A2M: variants seen among roughly 807,000 people sequenced by gnomAD.
The protein encoded by A2M is alpha-2-macroglobulin, also known as C3 and PZP-like alpha-2-macroglobulin domain-containing protein 5.
Under a neutral mutation model 183.9 loss-of-function variants are expected in A2M, and 128 were observed. The observed-to-expected ratio is 0.70, with a 90% CI of 0.60 to 0.81. The LOEUF is 0.81. A2M is among the 30% of genes least tolerant of loss of function. The pLI is 0.00. For missense variants in A2M, 1,495 were observed against 1,787.6 expected, an observed-to-expected ratio of 0.84 and a Z score of 2.95; for synonymous variants, 592 against 670.8, an observed-to-expected ratio of 0.88 and a Z score of 1.81.
intron 22 of A2M, among the ~76,000 whole-genome samples, chr12:9,083,099 A>T (rs751569490): frequency 6.6e-6 from 1 of 152,182 alleles, no homozygotes; most frequent in African/African-American, 2.4e-5. Context: ...TGGGACATGG[A>T]TGAAGCTGGA....
At chr12:9,110,152 G>A in intron 5 of A2M, 117 bp from the exon 6 acceptor site, 1 of 1,198,494 alleles carries the variant, frequency 8.3e-7, no homozygotes, top group Non-Finnish European at 1.2e-6. Context: ...AGTAGTAAAG[G>A]GTGAGTAGAG....
chr12:9,073,736 G>C (rs188834543), intron 29 of A2M, among the ~76,000 whole-genome samples: 9 of 152,152 alleles, frequency 5.9e-5, no homozygotes, highest in African/African-American at 2.2e-4. Context: ...GATTTAGGAG[G>C]TTGGATGAAT....
rs1415824901 is a variant in A2M at position 9,101,515 on chromosome 12, C to CT, written c.1425dup (p.Val476SerfsTer84). On this transcript the variant is annotated frameshift_variant, in exon 12 of 36. Transcript: ENST00000318602. LOFTEE classifies it high-confidence loss of function. ...CCATTCAGAATATAATGTGCCTGGA[C>CT]TGTCTGAGTATGGCCACAGGGTAGT... is the stretch of plus-strand genomic sequence containing the variant. 1.2e-6 allele frequency: 2 copies of CT among 1,613,844 alleles called. No individual in the cohort carries two copies. Among genetic ancestry groups the CT allele is most frequent in the African/African-American group, 2.7e-5 (2 of 74,904 alleles).
rs781626248 is a variant in A2M, at chr12:9,067,725, G to C, written c.*98C>G. 1 of 1,030,406 alleles carries C rather than the reference G, an allele frequency of 9.7e-7. No homozygotes were observed. Among genetic ancestry groups the C allele is most frequent in the East Asian group, 2.5e-5 (1 of 40,364 alleles). The allele number at this position is 1,030,406 out of a possible 1,614,324, so 63.8% of individuals were successfully genotyped here. Reference sequence around the variant, plus strand: ...CAGGGAAAGACATTGACCAGAAAAAGTGTTTATTCATCAAGTCTTTAAAGA... The same window carrying C: ...CAGGGAAAGACATTGACCAGAAAAACTGTTTATTCATCAAGTCTTTAAAGA... On this transcript the variant is annotated 3_prime_UTR_variant, in exon 36 of 36. Coordinates refer to ENST00000318602, the MANE Select transcript of A2M (RefSeq NM_000014.6).
At position 9,110,019 on chromosome 12, in the gene A2M, C is replaced by G; in HGVS notation, c.521G>C (p.Arg174Pro). 6.2e-7 allele frequency: 1 copy of G among 1,611,258 alleles called. No individual in the cohort carries two copies. Among genetic ancestry groups the G allele is most frequent in the South Asian group, 1.1e-5 (1 of 90,502 alleles). The change falls in exon 6 of 36, where the codon CGC becomes CCC. Residue 174 changes from arginine to proline, a missense_variant. Arg to Pro is a moderately radical substitution (Grantham distance 103). Coordinates refer to ENST00000318602, the MANE Select transcript of A2M (RefSeq NM_000014.6). ...LVYIQDPKGN[R>P]IAQWQSFQLE... is the part of the protein sequence containing the mutation. ...CTGGAAACTCTGCCATTGTGCGATG[C>G]GATTTCCTTTGGGATCCTATATGAG...
intron 22 of A2M, among the ~76,000 whole-genome samples, chr12:9,083,390 A>C (rs991901993): frequency 2.0e-5 from 3 of 152,160 alleles, no homozygotes; most frequent in Non-Finnish European, 2.9e-5. Flanking sequence ...AAAGTATAAA[A>C]AAAAAAGAAA....
Position 9,101,664 on chromosome 12 carries a change from T to C in A2M, c.1277A>G (p.Lys426Arg). 6.2e-7 allele frequency: 1 copy of C among 1,611,048 alleles called. No homozygotes were observed. Among genetic ancestry groups the C allele is most frequent in the South Asian group, 1.1e-5 (1 of 90,778 alleles). Residue 426 changes from lysine (K) to arginine (R), a missense_variant, in exon 12 of 36, where the codon AAG becomes AGG. Physicochemically the swap from Lys to Arg is conservative, Grantham distance 26 (BLOSUM62 2). Coordinates refer to ENST00000318602, the MANE Select transcript of A2M (RefSeq NM_000014.6). The stretch of plus-strand genomic sequence containing the variant: ...GTAGCCGTAACAGGGACTACGATCC[T>C]TGTAATTGACCTAATGAATTAGAAA... ...GTSLTVRVNY[K>R]DRSPCYGYQW...
chr12:9,088,676 A>C (rs1159948336), intron 22 of A2M, among the ~76,000 whole-genome samples: 2 of 152,156 alleles, frequency 1.3e-5, no homozygotes, highest in Non-Finnish European at 2.9e-5. Flanking sequence ...TTTTTCCTGT[A>C]AGTTTCTTCA....
At chr12:9,113,248 A>G in intron 2 of A2M, 112 bp downstream of exon 2, 11 of 1,016,032 alleles carry the variant, frequency 1.1e-5, no homozygotes, top group Middle Eastern at 2.1e-4. Flanking sequence ...CTACATTTGG[A>G]TTCCTTCCTG....
intron 24 of A2M, 99 bp downstream of exon 24, chr12:9,079,540 C>G (rs1948844435): frequency 8.3e-7 from 1 of 1,202,078 alleles, no homozygotes; most frequent in South Asian, 1.5e-5. Flanking sequence ...TCATAGTGAG[C>G]TAAGCTAATG....
At position 9,077,398 on chromosome 12, in the gene A2M, G is replaced by A; in HGVS notation, c.3299C>T (p.Thr1100Ile). 3 of 1,613,410 alleles carry A rather than the reference G, an allele frequency of 1.9e-6. No individual in the cohort carries two copies. Among genetic ancestry groups the A allele is most frequent in the South Asian group, 2.2e-5 (2 of 90,810 alleles). The stretch of plus-strand genomic sequence containing the variant: ...GGCGATGGTGATATAGGCGGAGAGG[G>A]TCACTTCATCTTCTACTCCTCCCTG... ...AIKGGVEDEV[T>I]LSAYITIALL... Residue 1100 changes from threonine to isoleucine, a missense_variant, in exon 27 of 36, where the codon ACC (threonine) becomes ATC (isoleucine). Physicochemically the swap from Thr to Ile is moderately conservative, Grantham distance 89 (BLOSUM62 -1). Coordinates refer to ENST00000318602, the MANE Select transcript of A2M (RefSeq NM_000014.6).
At chr12:9,067,923 A>G in intron 35 of A2M, 84 bp from the exon 36 acceptor site, 8 of 1,326,956 alleles carry the variant, frequency 6.0e-6, no homozygotes, top group Non-Finnish European at 8.6e-6. Context: ...TCTGGGTAGC[A>G]TAGTGCCCAA....
At chr12:9,095,118 T>A in intron 16 of A2M, 34 bp from the exon 17 acceptor site, 1 of 1,126,912 alleles carries the variant, frequency 8.9e-7, no homozygotes, top group South Asian at 1.6e-5. Flanking sequence ...TCAGTAAATA[T>A]ATATTATAAA....
rs1938563851 is a variant in A2M at position 9,109,501 on chromosome 12, T to C, written c.674-96A>G. On this transcript the variant is annotated intron_variant, in intron 6 of 35. Transcript: ENST00000318602. ...CTGTAACAGTTCCCTAATAATATTT[T>C]AGGGCTCTGAAAAGGTAGCTCTGCT... 3.2e-6 allele frequency: 3 copies of C among 926,678 alleles called. No individual in the cohort carries two copies. In the East Asian group the frequency reaches 7.8e-5, roughly 24 times the overall value. 57.4% of individuals were successfully genotyped at this position (926,678 alleles called of 1,614,324 possible). A position where few individuals can be genotyped will look rare whatever the true frequency, so the allele number is the denominator to read the frequency against.
chr12:9,106,414 C>G lies in A2M; in HGVS notation c.995-69G>C, dbSNP rs1015125216. On this transcript the variant is annotated intron_variant, in intron 9 of 35. Coordinates refer to ENST00000318602, the MANE Select transcript of A2M (RefSeq NM_000014.6). ...GTCTCTAAAATTCTATCACCTCCCC[C>G]CAACTTACAATTCATTATTTGGCTA... 26 of 1,433,092 alleles carry G rather than the reference C, an allele frequency of 1.8e-5. 1 individual carries two copies. The East Asian group carries it at 2.3e-4, about 13-fold the overall frequency. The allele number at this position is 1,433,092 out of a possible 1,614,324, so 88.8% of individuals were successfully genotyped here. A position where few individuals can be genotyped will look rare whatever the true frequency, so the allele number is the denominator to read the frequency against.
chr12:9,074,919 C>T (rs1340388213), intron 28 of A2M, 136 bp from the exon 29 acceptor site: 1 of 976,974 alleles, frequency 1.0e-6, no homozygotes, highest in Non-Finnish European at 1.5e-6. Flanking sequence ...ATGCTTTTCC[C>T]TTCATGTAAA....
At chr12:9,068,130 G>C in intron 35 of A2M, 53 bp downstream of exon 35, 1 of 1,594,140 alleles carries the variant, frequency 6.3e-7, no homozygotes, top group Non-Finnish European at 8.6e-7. Context: ...GAAGGTTTGG[G>C]GGGCAAGCTG....
chr12:9,095,977 T>C (rs111715951), intron 15 of A2M, among the ~76,000 whole-genome samples: 16,144 of 151,328 alleles, frequency 0.11, 935 homozygotes, highest in Middle Eastern at 0.16. Flanking sequence ...GCCAGGATGG[T>C]CTCGATCTCC....
Position 9,093,561 on chromosome 12 carries a change from C to T in A2M, c.2144G>A (p.Arg715Lys), listed in dbSNP as rs1461301784. The T allele has an allele frequency of 6.2e-7, 1 of 1,602,256 alleles. No individual in the cohort carries two copies. Among genetic ancestry groups the T allele is most frequent in the Admixed American group, 1.7e-5 (1 of 58,720 alleles). The change falls in exon 18 of 36, where the codon AGA becomes AAA. Residue 715 changes from arginine (R) to lysine (K), a missense_variant. Arg to Lys is a conservative substitution (Grantham distance 26). Transcript: ENST00000318602. ...AACATGCACCAGGCGTGCATGGCCT[C>T]TTCCCATTACATCTGACTCTATGGT... is the stretch of plus-strand genomic sequence containing the variant. ...VGFYESDVMG[R>K]GHARLVHVEE... is the part of the protein sequence containing the mutation.
Sources: gnomAD v4.1 joint callset for allele counts (sites outside exome capture counted in the v4.1 genomes callset) on GRCh38, gnomAD v4.1.1 for gene constraint, MANE v1.5 for transcripts, NCBI Gene and HGNC (gene_info 2026-07-23, HGNC 2026-07-21) for gene names.